The following PTPRD variants were observed in gnomAD, a reference collection of about 807,000 sequenced individuals.
PTPRD encodes protein tyrosine phosphatase receptor type D, also known as receptor-type tyrosine-protein phosphatase delta.
In PTPRD, 34 loss-of-function variants were observed where a neutral mutation model predicts 214.5. The observed-to-expected ratio is 0.16, with a 90% confidence interval of 0.12 to 0.21. PTPRD has a LOEUF of 0.21. Ranked by LOEUF, PTPRD falls within the 10% of genes least tolerant of loss-of-function variation. The pLI, the probability that PTPRD is intolerant of heterozygous loss-of-function variation, is 1.00. For missense variants in PTPRD, 2,545 were observed against 2,398.7 expected (o/e 1.06, Z -1.27); for synonymous variants, 1,128 against 845.7 (o/e 1.33, Z -5.79).
intron 10 of PTPRD, among the ~76,000 whole-genome samples, chr9:9,079,803 C>A (rs938019418): frequency 4.6e-5 from 7 of 151,986 alleles, no homozygotes; most frequent in African/African-American, 1.7e-4. Context: ...CAAAATTCAG[C>A]CCATATGCTG....
chr9:9,498,084 C>G (rs1342862166), intron 8 of PTPRD, among the ~76,000 whole-genome samples: 1 of 152,110 alleles, frequency 6.6e-6, no homozygotes, highest in African/African-American at 2.4e-5. Context: ...CATGAAGGAG[C>G]CAGGAAGCAG....
intron 3 of PTPRD, among the ~76,000 whole-genome samples, chr9:10,122,114 C>T (rs1250674203): frequency 1.3e-5 from 2 of 152,098 alleles, no homozygotes; most frequent in African/African-American, 4.8e-5. Flanking sequence ...TCAATACCAG[C>T]CTGGCCAACA....
chr9:9,940,310 T>C (rs2091070236), intron 4 of PTPRD, among the ~76,000 whole-genome samples: 1 of 152,098 alleles, frequency 6.6e-6, no homozygotes, highest in African/African-American at 2.4e-5. Context: ...TTACCTCTGG[T>C]TTCTTGACTA....
chr9:9,727,872 A>T (rs146064921), intron 7 of PTPRD, among the ~76,000 whole-genome samples: 137 of 152,316 alleles, frequency 9.0e-4, no homozygotes, highest in African/African-American at 3.3e-3. Flanking sequence ...TGATTCTTAC[A>T]CATTGAATAA....
At chr9:9,495,756 C>G (rs942368285) in intron 8 of PTPRD, among the ~76,000 whole-genome samples, 1 of 152,186 alleles carries the variant, frequency 6.6e-6, no homozygotes, top group Non-Finnish European at 1.5e-5. Context: ...GACAAGAGCT[C>G]AGGACCCATT....
rs572833107 is a variant in PTPRD at position 9,167,344 on chromosome 9, G to GTT, written c.-143+15959_-143+15960insAA. On this transcript the variant is annotated intron_variant, in intron 10 of 45. Coordinates refer to ENST00000381196, the MANE Select transcript of PTPRD (RefSeq NM_002839.4). The stretch of plus-strand genomic sequence containing the variant: ...ATATGGGGTTTGTGTGTGTGTGTGT[G>GTT]TGTGTGTGTGTGTGTGATTTTTCGA... Among the ~76,000 whole-genome samples the GTT allele has an allele frequency of 7.0e-4, 106 of 151,816 alleles. 1 individual carries two copies. The highest frequency in any genetic ancestry group is 6.8e-3 in the Middle Eastern group (2 of 292).
intron 4 of PTPRD, among the ~76,000 whole-genome samples, chr9:10,032,031 C>T (rs997058410): frequency 2.6e-5 from 4 of 152,078 alleles, no homozygotes; most frequent in Admixed American, 2.6e-4. Flanking sequence ...ACTTAACATC[C>T]TACCTGCCTA....
At chr9:10,022,455 C>G (rs2096842006) in intron 4 of PTPRD, among the ~76,000 whole-genome samples, 1 of 151,356 alleles carries the variant, frequency 6.6e-6, no homozygotes, top group Non-Finnish European at 1.5e-5. Context: ...ATCACTTTCC[C>G]TTTCATATTC....
chr9:8,581,073 G>C (rs1564494144), intron 14 of PTPRD, among the ~76,000 whole-genome samples: 1 of 152,086 alleles, frequency 6.6e-6, no homozygotes, highest in Non-Finnish European at 1.5e-5. Flanking sequence ...CAATTAATTG[G>C]TTTGGTACTG....
At chr9:8,544,337 C>T (rs1273308524) in intron 14 of PTPRD, among the ~76,000 whole-genome samples, 4 of 151,532 alleles carry the variant, frequency 2.6e-5, no homozygotes, top group Non-Finnish European at 5.9e-5. Flanking sequence ...CTGTATCGGC[C>T]TCCCAAAGTG....
rs559471123 is a variant in PTPRD at position 9,960,258 on chromosome 9, G to T, written c.-471-21648C>A. Reference sequence around the variant, plus strand: ...AAAAATAGTGTGTCAAAGGAGCCCAGGAGCAACTGGGATAGCTCCCAATGG... The same window carrying T: ...AAAAATAGTGTGTCAAAGGAGCCCATGAGCAACTGGGATAGCTCCCAATGG... On this transcript the variant is annotated intron_variant, in intron 4 of 45. Coordinates refer to ENST00000381196, the MANE Select transcript of PTPRD (RefSeq NM_002839.4). Among the ~76,000 whole-genome samples the T allele has an allele frequency of 5.3e-5, 8 of 149,848 alleles. 1 individual carries two copies. The South Asian group carries it at 1.7e-3, about 32-fold the overall frequency.
chr9:9,492,952 A>G (rs1416728119), intron 8 of PTPRD, among the ~76,000 whole-genome samples: 4 of 146,384 alleles, frequency 2.7e-5, no homozygotes, highest in Non-Finnish European at 6.0e-5. Flanking sequence ...CCCATATAAG[A>G]CGACAAACAT....
intron 2 of PTPRD, among the ~76,000 whole-genome samples, chr9:10,372,226 T>C (rs907018179): frequency 6.6e-6 from 1 of 152,154 alleles, no homozygotes; most frequent in Non-Finnish European, 1.5e-5. Context: ...TCCTCTCCTT[T>C]AGATTTCCAC....
chr9:10,385,844 C>A (rs1417901530), intron 2 of PTPRD, among the ~76,000 whole-genome samples: 6 of 127,288 alleles, frequency 4.7e-5, no homozygotes, highest in African/African-American at 5.0e-5. Context: ...ATACTAAATT[C>A]TTTTCTTTAA....
chr9:8,948,145 G>T (rs1018292228), intron 11 of PTPRD, among the ~76,000 whole-genome samples: 1 of 150,024 alleles, frequency 6.7e-6, no homozygotes, highest in Non-Finnish European at 1.5e-5. Context: ...TCAGTTTCCC[G>T]AGTAGCTGGG....
At chr9:9,751,960 T>C (rs2098524682) in intron 6 of PTPRD, among the ~76,000 whole-genome samples, 1 of 152,132 alleles carries the variant, frequency 6.6e-6, no homozygotes. Context: ...TGGTGGGATA[T>C]TTTGAAACAT....
At chr9:10,423,889 T>C (rs2098581685) in intron 2 of PTPRD, among the ~76,000 whole-genome samples, 1 of 152,030 alleles carries the variant, frequency 6.6e-6, no homozygotes, top group Admixed American at 6.6e-5. Context: ...TATAGTTTTT[T>C]GCTGTATTTT....
At chr9:9,075,802 G>A (rs1376947835) in intron 10 of PTPRD, among the ~76,000 whole-genome samples, 2 of 152,082 alleles carry the variant, frequency 1.3e-5, no homozygotes, top group African/African-American at 4.8e-5. Context: ...TCTTAATTCA[G>A]TCTTTCATTG....
In PTPRD at chr9:9,772,769, A is replaced by G. The variant is rs779758265; in HGVS notation, c.-367-5918T>C. Among the ~76,000 whole-genome samples the G allele has an allele frequency of 2.0e-5, 3 of 149,216 alleles. No homozygotes were observed. The South Asian group carries it at 6.5e-4, about 32-fold the overall frequency. ...CAGGTGTGATAAAATTGCCATCTTCACTCATTGCTGGTGGCACTATAAATT... is the reference window on the plus strand; with the variant it reads ...CAGGTGTGATAAAATTGCCATCTTCGCTCATTGCTGGTGGCACTATAAATT... On this transcript the variant is annotated intron_variant, in intron 5 of 45. Transcript: ENST00000381196.
Sources: allele counts gnomAD v4.1 joint callset (sites outside exome capture counted in the v4.1 genomes callset), GRCh38; gene constraint gnomAD v4.1.1; transcripts MANE v1.5; gene names NCBI Gene and HGNC (gene_info 2026-07-23, HGNC 2026-07-21).